Variants in TLE1 observed in about 807,000 individuals in gnomAD.
TLE1 encodes transducin-like enhancer protein 1.
In TLE1, 21 loss-of-function variants were observed where a neutral mutation model predicts 89.8. The ratio of observed to expected loss-of-function variants is 0.23; its 90% confidence interval spans 0.17 to 0.34. The LOEUF is 0.34. Among genes scored for constraint, TLE1 ranks in the 10% least tolerant of loss-of-function variants. TLE1 has a pLI of 1.00. For synonymous variants in TLE1, 447 were observed against 407.6 expected (o/e 1.10, Z -1.16); for missense variants, 795 against 1,031.2 (o/e 0.77, Z 3.14).
At chr9:81,644,814 T>C (rs771002473) in intron 6 of TLE1, among the ~76,000 whole-genome samples, 1 of 144,478 alleles carries the variant, frequency 6.9e-6, no homozygotes, top group Admixed American at 6.9e-5. Flanking sequence ...GCCAATATGG[T>C]GAAACCCCAT....
chr9:81,605,774 C>A (rs1458895916), intron 14 of TLE1, among the ~76,000 whole-genome samples: 2 of 151,172 alleles, frequency 1.3e-5, no homozygotes, highest in Admixed American at 1.3e-4. Context: ...CAAATGGGAT[C>A]TAATTAAACT....
Position 81,634,303 on chromosome 9 carries a change from T to C in TLE1, c.373-2A>G, listed in dbSNP as rs1354923901. On this transcript the variant is annotated splice_acceptor_variant, in intron 6 of 19. Coordinates refer to ENST00000376499, the MANE Select transcript of TLE1 (RefSeq NM_005077.5). LOFTEE classifies it high-confidence loss of function. The stretch of plus-strand genomic sequence containing the variant: ...ATGCTGAGCTTGCAACTGCTGCTGC[T>C]GTTGGTGGTGGTGGTGAGAGAGAAA... 6.6e-7 allele frequency: 1 copy of C among 1,512,042 alleles called. No homozygotes were observed. The highest frequency in any genetic ancestry group is 8.9e-7 in the Non-Finnish European group (1 of 1,119,466). The allele number at this position is 1,512,042 out of a possible 1,614,324, so 93.7% of individuals were successfully genotyped here. A position where few individuals can be genotyped will look rare whatever the true frequency, so the allele number is the denominator to read the frequency against.
rs1409461605 is a variant in TLE1, at chr9:81,584,534, GCAAAGGAATATCTAGTTTT to G, written c.2129-29_2129-11del. The G allele has an allele frequency of 6.2e-7, 1 of 1,613,250 alleles. No individual in the cohort carries two copies. Among genetic ancestry groups the G allele is most frequent in the Non-Finnish European group, 8.5e-7 (1 of 1,179,592 alleles). On this transcript the variant is annotated splice_polypyrimidine_tract_variant and intron_variant, in intron 18 of 19. Transcript: ENST00000376499. Reference sequence around the variant, plus strand: ...CTCACAAACCATTTACCTAGAATTAGCAAAGGAATATCTAGTTTTCACAAGGTTAAAATTCCTACTATAC... The same window carrying G: ...CTCACAAACCATTTACCTAGAATTAGCACAAGGTTAAAATTCCTACTATAC...
At chr9:81,649,497 G>C (rs1035454424) in intron 6 of TLE1, among the ~76,000 whole-genome samples, 14 of 152,208 alleles carry the variant, frequency 9.2e-5, no homozygotes, top group Non-Finnish European at 1.9e-4. Flanking sequence ...ACCTTAAAGG[G>C]AATGAGAATG....
Position 81,593,339 on chromosome 9 carries a change from G to A in TLE1, c.1332-65C>T, listed in dbSNP as rs929477976. On this transcript the variant is annotated intron_variant, in intron 14 of 19. Coordinates refer to ENST00000376499, the MANE Select transcript of TLE1 (RefSeq NM_005077.5). Reference sequence around the variant, plus strand: ...TTACAGAGGAAGCAATCCCTATCTCGGCAATGTGCTACGACTATGAAAAAG... The same window carrying A: ...TTACAGAGGAAGCAATCCCTATCTCAGCAATGTGCTACGACTATGAAAAAG... The A allele has an allele frequency of 2.6e-5, 39 of 1,519,314 alleles. No individual in the cohort carries two copies. The Admixed American group carries it at 5.1e-4, about 20-fold the overall frequency. 94.1% of individuals were successfully genotyped at this position (1,519,314 alleles called of 1,614,324 possible). A position where few individuals can be genotyped will look rare whatever the true frequency, so the allele number is the denominator to read the frequency against.
chr9:81,637,644 C>T (rs202058783), intron 6 of TLE1, among the ~76,000 whole-genome samples: 108 of 138,638 alleles, frequency 7.8e-4, no homozygotes, highest in Middle Eastern at 7.9e-3. Flanking sequence ...ATGAAAGTTT[C>T]TTTTTTTTTT....
chr9:81,596,508 C>T (rs1362321818), intron 14 of TLE1, among the ~76,000 whole-genome samples: 2 of 152,136 alleles, frequency 1.3e-5, no homozygotes, highest in Non-Finnish European at 2.9e-5. Context: ...AAAGGCCACA[C>T]TGAGGGCTCA....
rs1198438735 is a variant in TLE1 at position 81,634,121 on chromosome 9, GCTT to G, written c.550_552del (p.Lys184del). The G allele has an allele frequency of 6.2e-7, 1 of 1,609,178 alleles. No homozygotes were observed. Among genetic ancestry groups the G allele is most frequent in the Non-Finnish European group, 8.5e-7 (1 of 1,177,512 alleles). ...CCTCTGTGGTGCTCTGCATCGTGGT[GCTT>G]CTTGTCATCTTTTATTGCCAAGTGA... On this transcript the variant is annotated inframe_deletion, in exon 7 of 20. Transcript: ENST00000376499.
intron 6 of TLE1, among the ~76,000 whole-genome samples, chr9:81,638,885 A>G (rs1437699548): frequency 3.3e-5 from 5 of 152,200 alleles, no homozygotes; most frequent in Admixed American, 3.3e-4. Context: ...CCGGCCTCCC[A>G]AAGTGCTGAG....
chr9:81,634,858 TATG>T (rs1827174632), intron 6 of TLE1, among the ~76,000 whole-genome samples: 1 of 152,166 alleles, frequency 6.6e-6, no homozygotes, highest in Admixed American at 6.5e-5. Flanking sequence ...ACCACAGTAG[TATG>T]ATGAGACAAA....
intron 4 of TLE1, among the ~76,000 whole-genome samples, chr9:81,655,702 G>GA (rs1298988168): frequency 1.3e-5 from 2 of 151,810 alleles, no homozygotes; most frequent in African/African-American, 4.8e-5. Flanking sequence ...AGGATCACAA[G>GA]AAAAAAACTT....
At chr9:81,649,245 T>C (rs1280175042) in intron 6 of TLE1, among the ~76,000 whole-genome samples, 1 of 152,176 alleles carries the variant, frequency 6.6e-6, no homozygotes, top group South Asian at 2.1e-4. Context: ...AAATTCAGTA[T>C]TTTTTGTCAG....
intron 10 of TLE1, 95 bp from the exon 11 acceptor site, chr9:81,616,229 G>A: frequency 6.8e-7 from 1 of 1,474,174 alleles, no homozygotes; most frequent in East Asian, 2.3e-5. Context: ...GGACAGAGCT[G>A]AAAGTCCTTC....
chr9:81,645,875 C>T (rs1267342619), intron 6 of TLE1, among the ~76,000 whole-genome samples: 2 of 152,132 alleles, frequency 1.3e-5, no homozygotes, highest in East Asian at 3.8e-4. Context: ...ATATATACAC[C>T]TAGTACACAC....
At chr9:81,625,929 A>G (rs2132252195) in intron 8 of TLE1, among the ~76,000 whole-genome samples, 1 of 151,536 alleles carries the variant, frequency 6.6e-6, no homozygotes, top group East Asian at 1.9e-4. Flanking sequence ...AAAAAAAAAA[A>G]AAAAGCAACT....
At chr9:81,612,262 C>A in intron 12 of TLE1, 2 of 1,096,128 alleles carry the variant, frequency 1.8e-6, no homozygotes, top group Non-Finnish European at 2.2e-6. Context: ...TTACAGAGGG[C>A]AAACCAAGGC....
chr9:81,673,714 C>T (rs1007915313), intron 4 of TLE1, among the ~76,000 whole-genome samples: 7 of 152,018 alleles, frequency 4.6e-5, no homozygotes, highest in African/African-American at 9.7e-5. Context: ...GGGGAGGGGG[C>T]GGCTTCTGGC....
At chr9:81,683,409 G>A (rs1040545430) in intron 4 of TLE1, among the ~76,000 whole-genome samples, 4 of 151,874 alleles carry the variant, frequency 2.6e-5, no homozygotes, top group African/African-American at 7.3e-5. Context: ...GAGCTCCAAA[G>A]GCCCTCTCTA....
chr9:81,615,418 T>C (rs1824349170), intron 11 of TLE1, among the ~76,000 whole-genome samples: 1 of 150,714 alleles, frequency 6.6e-6, no homozygotes, highest in Non-Finnish European at 1.5e-5. Flanking sequence ...ATCCCCCAAG[T>C]AAGACGGCAA....
Sources: gnomAD v4.1 joint callset for allele counts (sites outside exome capture counted in the v4.1 genomes callset) on GRCh38, gnomAD v4.1.1 for gene constraint, MANE v1.5 for transcripts, NCBI Gene and HGNC (gene_info 2026-07-23, HGNC 2026-07-21) for gene names.